DENR: variants seen among roughly 807,000 people sequenced by gnomAD.
DENR encodes density regulated re-initiation and release factor.
A neutral mutation model predicts 30.6 loss-of-function variants in DENR; 6 were observed. That is an observed-to-expected ratio of 0.20 (90% CI 0.11 to 0.39). The LOEUF is 0.39. Among genes scored for constraint, DENR ranks in the 10% least tolerant of loss-of-function variants. DENR has a pLI of 1.00. For missense variants in DENR, 141 were observed against 230.9 expected, an observed-to-expected ratio of 0.61 and a Z score of 2.52; for synonymous variants, 78 against 72.1, an observed-to-expected ratio of 1.08 and a Z score of -0.41.
chr12:122,765,411 A>T, intron 5 of DENR, 24 bp downstream of exon 5: 1 of 1,524,954 alleles, frequency 6.6e-7, no homozygotes, highest in East Asian at 2.5e-5. Context: ...TCACATCTTG[A>T]TTTGTACAGT....
In DENR at chr12:122,760,547, C is replaced by T. The variant is rs368718176; in HGVS notation, c.107-1640C>T. 2.3e-4 allele frequency among the ~76,000 whole-genome samples: 35 copies of T among 151,288 alleles called. 1 individual carries two copies. The South Asian group carries it at 5.6e-3, about 24-fold the overall frequency. ...GAGATCGAGACCATCCTAGCTAATA[C>T]TGTGAAACCCCGTCTTTACTAAAAA... On this transcript the variant is annotated intron_variant, in intron 2 of 7. Transcript: ENST00000280557.
rs535944262 is a variant in DENR at position 122,763,787 on chromosome 12, T to C, written c.211+858T>C. ...TAAGTGTACTATATGCTACACACTG[T>C]TGCAGATTCTGAGGATAAGCCAATA... On this transcript the variant is annotated intron_variant, in intron 4 of 7. Coordinates refer to ENST00000280557, the MANE Select transcript of DENR (RefSeq NM_003677.5). Among the ~76,000 whole-genome samples, 19 of 152,388 alleles carry C rather than the reference T, an allele frequency of 1.2e-4. 1 individual carries two copies. The South Asian group carries it at 3.9e-3, about 32-fold the overall frequency.
chr12:122,760,693 T>C (rs1041737405), intron 2 of DENR, among the ~76,000 whole-genome samples: 9 of 152,200 alleles, frequency 5.9e-5, no homozygotes, highest in African/African-American at 2.2e-4. Context: ...ATAGTGCTAC[T>C]GCAGTCCGGC....
chr12:122,761,045 C>T (rs866233079), intron 2 of DENR, among the ~76,000 whole-genome samples: 2 of 150,246 alleles, frequency 1.3e-5, no homozygotes, highest in South Asian at 2.1e-4. Context: ...CTGAGGAGTT[C>T]GAGGCTGCAG....
intron 4 of DENR, 87 bp from the exon 5 acceptor site, chr12:122,765,217 T>C: frequency 4.0e-6 from 4 of 1,008,906 alleles, no homozygotes; most frequent in Non-Finnish European, 5.9e-6. Context: ...ATGCCTTATT[T>C]GTATATGAGG....
At chr12:122,755,204 T>C (rs991394350) in intron 2 of DENR, among the ~76,000 whole-genome samples, 1 of 152,160 alleles carries the variant, frequency 6.6e-6, no homozygotes, top group Non-Finnish European at 1.5e-5. Flanking sequence ...ACATAGAGAA[T>C]TGCTTAGTTG....
chr12:122,758,799 C>G (rs112064785), intron 2 of DENR, among the ~76,000 whole-genome samples: 8,290 of 150,844 alleles, frequency 0.055, 405 homozygotes, highest in East Asian at 0.27. Flanking sequence ...GTGAGACTGT[C>G]TCTTTAACAA....
chr12:122,765,425 A>G (rs1354319163), intron 5 of DENR, 38 bp downstream of exon 5: 2 of 1,484,154 alleles, frequency 1.3e-6, no homozygotes, highest in Admixed American at 2.1e-5. Flanking sequence ...GTACAGTCAT[A>G]CCGTCACTGC....
intron 4 of DENR, 121 bp downstream of exon 4, chr12:122,763,050 T>G (rs1878745800): frequency 1.6e-6 from 1 of 633,394 alleles, no homozygotes. Flanking sequence ...CATTTATCTG[T>G]TAGCTGTTTA....
At chr12:122,761,471 TTA>T (rs906128575) in intron 2 of DENR, among the ~76,000 whole-genome samples, 1 of 151,958 alleles carries the variant, frequency 6.6e-6, no homozygotes, top group Non-Finnish European at 1.5e-5. Flanking sequence ...CTGCTAAAGT[TTA>T]TAAATGTGTC....
At chr12:122,764,323 G>A (rs1345030881) in intron 4 of DENR, among the ~76,000 whole-genome samples, 1 of 152,158 alleles carries the variant, frequency 6.6e-6, no homozygotes, top group Non-Finnish European at 1.5e-5. Context: ...CAAAGAGGCC[G>A]GGTGCAGTGG....
At position 122,762,937 on chromosome 12, in the gene DENR, C is replaced by T; in HGVS notation, c.211+8C>T. 1 of 1,497,322 alleles carries T rather than the reference C, an allele frequency of 6.7e-7. No homozygotes were observed. The highest frequency in any genetic ancestry group is 9.0e-7 in the Non-Finnish European group (1 of 1,106,348). The allele number at this position is 1,497,322 out of a possible 1,614,324, so 92.8% of individuals were successfully genotyped here. A position where few individuals can be genotyped will look rare whatever the true frequency, so the allele number is the denominator to read the frequency against. On this transcript the variant is annotated splice_region_variant and intron_variant, in intron 4 of 7. Coordinates refer to ENST00000280557, the MANE Select transcript of DENR (RefSeq NM_003677.5). ...TTGCAAAACTTACTGTAGGTATGAA[C>T]ATTTTTTTTCTTGCATTAAACTTCT...
chr12:122,768,994 C>G, intron 7 of DENR, 40 bp from the exon 8 acceptor site: 1 of 1,606,912 alleles, frequency 6.2e-7, no homozygotes, highest in South Asian at 1.1e-5. Flanking sequence ...TTCTTAATTG[C>G]AACCACAACT....
At position 122,770,425 on chromosome 12, in the gene DENR, A is replaced by G. The variant is rs776957868; in HGVS notation, c.*1347A>G. 29 of 393,256 alleles carry G rather than the reference A, an allele frequency of 7.4e-5. No individual in the cohort carries two copies. Among genetic ancestry groups the G allele is most frequent in the East Asian group, 2.9e-4 (8 of 27,720 alleles). 24.4% of individuals were successfully genotyped at this position (393,256 alleles called of 1,614,324 possible). A position where few individuals can be genotyped will look rare whatever the true frequency, so the allele number is the denominator to read the frequency against. On this transcript the variant is annotated 3_prime_UTR_variant, in exon 8 of 8. Transcript: ENST00000280557. ...AGATACATTTTAGACATTTATCGTC[A>G]TCATCTGCTCTGAGTGGAAGGCCGT...
chr12:122,770,382 T>G lies in DENR; in HGVS notation c.*1304T>G, dbSNP rs1223723663. On this transcript the variant is annotated 3_prime_UTR_variant, in exon 8 of 8. Transcript: ENST00000280557. ...GATTATTTGGAAGCATGTTTGGTAA[T>G]GTCAAGTGGAGTACCCCAGATACAT... is the stretch of plus-strand genomic sequence containing the variant. 1 of 377,070 alleles carries G rather than the reference T, an allele frequency of 2.7e-6. No homozygotes were observed. The highest frequency in any genetic ancestry group is 4.7e-6 in the Non-Finnish European group (1 of 213,336). The allele number at this position is 377,070 out of a possible 1,614,324, so 23.4% of individuals were successfully genotyped here.
Position 122,762,174 on chromosome 12 carries a change from T to C in DENR, c.107-13T>C, listed in dbSNP as rs1163653932. The stretch of plus-strand genomic sequence containing the variant: ...TTTAACATTTCAAATCTTTTTTCTT[T>C]TTACTTCCTCAGTCTGTTCATTACC... On this transcript the variant is annotated splice_polypyrimidine_tract_variant and intron_variant, in intron 2 of 7. Coordinates refer to ENST00000280557, the MANE Select transcript of DENR (RefSeq NM_003677.5). 2 of 1,419,906 alleles carry C rather than the reference T, an allele frequency of 1.4e-6. No homozygotes were observed. Among genetic ancestry groups the C allele is most frequent in the African/African-American group, 2.9e-5 (2 of 69,132 alleles). The allele number at this position is 1,419,906 out of a possible 1,614,324, so 88.0% of individuals were successfully genotyped here.
intron 2 of DENR, among the ~76,000 whole-genome samples, chr12:122,757,826 G>A (rs946396882): frequency 6.6e-6 from 1 of 152,050 alleles, no homozygotes; most frequent in East Asian, 1.9e-4. Flanking sequence ...AAGGAAGGAG[G>A]AAGTGCCTGA....
chr12:122,767,329 G>C (rs1194252567), intron 5 of DENR, among the ~76,000 whole-genome samples, 159 bp from the exon 6 acceptor site: 1 of 152,160 alleles, frequency 6.6e-6, no homozygotes, highest in Non-Finnish European at 1.5e-5. Context: ...CACATAGTAG[G>C]TACTTAATAA....
rs1472822639 is a variant in DENR at position 122,752,842 on chromosome 12, T to A, written c.-118T>A. The A allele has an allele frequency of 6.6e-6, 1 of 152,420 alleles. No individual in the cohort carries two copies. The highest frequency in any genetic ancestry group is 2.4e-5 in the African/African-American group (1 of 41,472). The allele number at this position is 152,420 out of a possible 1,614,324, so 9.4% of individuals were successfully genotyped here. A position where few individuals can be genotyped will look rare whatever the true frequency, so the allele number is the denominator to read the frequency against. On this transcript the variant is annotated 5_prime_UTR_variant, in exon 1 of 8. Transcript: ENST00000280557. The stretch of plus-strand genomic sequence containing the variant: ...GCTCATTGTCTCGCGGGAGCGCTGC[T>A]GGCGGTCGGGCGCTCGGGCGGCCCT...
Sources: allele counts gnomAD v4.1 joint callset (sites outside exome capture counted in the v4.1 genomes callset), GRCh38; gene constraint gnomAD v4.1.1; transcripts MANE v1.5; gene names NCBI Gene and HGNC (gene_info 2026-07-23, HGNC 2026-07-21).